FGGY: variants seen among roughly 807,000 people sequenced by gnomAD.
FGGY encodes the protein FGGY carbohydrate kinase domain-containing protein.
FGGY carries 72 observed loss-of-function variants against 71.3 expected under a neutral mutation model. That is an observed-to-expected ratio of 1.01 (90% CI 0.84 to 1.23). The LOEUF is 1.23. FGGY is among the 50% of genes most tolerant of loss of function. The probability of loss-of-function intolerance (pLI) is 0.00; values close to 1 mark genes in which losing one functional copy is unlikely to be tolerated. For missense variants in FGGY, 668 were observed against 682.3 expected (o/e 0.98, Z 0.23); for synonymous variants, 251 against 250.3 (o/e 1.00, Z -0.02).
At chr1:59,461,462 G>A (rs1473567857) in intron 6 of FGGY, among the ~76,000 whole-genome samples, 5 of 152,222 alleles carry the variant, frequency 3.3e-5, no homozygotes, top group African/African-American at 1.2e-4. Flanking sequence ...ACCTGAAAGT[G>A]ACGGGAAGAA....
chr1:59,671,803 G>C (rs549676230), intron 13 of FGGY, among the ~76,000 whole-genome samples: 2 of 152,270 alleles, frequency 1.3e-5, no homozygotes, highest in East Asian at 3.9e-4. Context: ...GGAAAGATTA[G>C]GTATCTTGCC....
rs191003951 is a variant in FGGY at position 59,744,701 on chromosome 1, C to T, written c.1513-13230C>T. On this transcript the variant is annotated intron_variant, in intron 14 of 15. Transcript: ENST00000303721. ...TTTATACAGATATCCTGGATCCTAC[C>T]CCTGATTCATTCATTAATTCATTAA... Among the ~76,000 whole-genome samples, 17 of 152,316 alleles carry T rather than the reference C, an allele frequency of 1.1e-4. No homozygotes were observed. The East Asian group carries it at 3.3e-3, about 29-fold the overall frequency.
chr1:59,358,916 G>A (rs561313670), intron 4 of FGGY, among the ~76,000 whole-genome samples: 1 of 152,308 alleles, frequency 6.6e-6, no homozygotes, highest in South Asian at 2.1e-4. Context: ...TGAAGAAATT[G>A]AGGATGGAGG....
At chr1:59,721,635 G>T (rs2097897381) in intron 14 of FGGY, among the ~76,000 whole-genome samples, 1 of 152,136 alleles carries the variant, frequency 6.6e-6, no homozygotes, top group African/African-American at 2.4e-5. Flanking sequence ...ACCACACCCA[G>T]CAGATACAGA....
At chr1:59,316,159 G>T (rs1287112203) in intron 1 of FGGY, 2 of 152,136 alleles carry the variant, frequency 1.3e-5, no homozygotes, top group African/African-American at 4.8e-5. Flanking sequence ...ATCCCTGATT[G>T]CAGTATAACT....
At chr1:59,592,439 A>G (rs1273032348) in intron 8 of FGGY, among the ~76,000 whole-genome samples, 1 of 152,194 alleles carries the variant, frequency 6.6e-6, no homozygotes, top group African/African-American at 2.4e-5. Context: ...TACTGGGTAT[A>G]TACCCAAAGG....
At chr1:59,521,514 T>TG (rs2094833840) in intron 7 of FGGY, among the ~76,000 whole-genome samples, 1 of 152,202 alleles carries the variant, frequency 6.6e-6, no homozygotes, top group African/African-American at 2.4e-5. Context: ...TCAGTGTATA[T>TG]GGCTGTGAAC....
chr1:59,478,200 T>G (rs1398491298), intron 6 of FGGY, among the ~76,000 whole-genome samples: 3 of 152,224 alleles, frequency 2.0e-5, no homozygotes, highest in African/African-American at 7.2e-5. Flanking sequence ...TATCCGGATA[T>G]CCAGATAATT....
intron 7 of FGGY, among the ~76,000 whole-genome samples, chr1:59,535,452 G>A (rs537509221): frequency 1.7e-4 from 26 of 152,172 alleles, no homozygotes; most frequent in African/African-American, 6.0e-4. Context: ...GGATACCCAG[G>A]AATTGAACTC....
chr1:59,421,506 TCTCC>T (rs1420708528), intron 5 of FGGY, among the ~76,000 whole-genome samples: 1 of 129,576 alleles, frequency 7.7e-6, no homozygotes, highest in East Asian at 2.4e-4. Flanking sequence ...TCTCCCCCTC[TCTCC>T]CTCTCTCCTT....
intron 1 of FGGY, among the ~76,000 whole-genome samples, chr1:59,316,574 T>C (rs1163697429): frequency 6.6e-6 from 1 of 152,230 alleles, no homozygotes; most frequent in Non-Finnish European, 1.5e-5. Flanking sequence ...TGCACATTTG[T>C]TGAAGAATCA....
At chr1:59,381,523 T>C (rs540387277) in intron 5 of FGGY, among the ~76,000 whole-genome samples, 1 of 152,246 alleles carries the variant, frequency 6.6e-6, no homozygotes, top group South Asian at 2.1e-4. Flanking sequence ...ATCATCAAGA[T>C]GTCACTAGGT....
At position 59,561,682 on chromosome 1, in the gene FGGY, G is replaced by A. The variant is rs2095795540; in HGVS notation, c.903+7455G>A. 2.0e-5 allele frequency among the ~76,000 whole-genome samples: 3 copies of A among 152,140 alleles called. No homozygotes were observed. In the South Asian group the frequency reaches 6.2e-4, roughly 32 times the overall value. Reference sequence around the variant, plus strand: ...GTAAATAGCTCAACAATCCTACCAAGTAGGCACCATACTGTCCCTCATTTT... The same window carrying A: ...GTAAATAGCTCAACAATCCTACCAAATAGGCACCATACTGTCCCTCATTTT... On this transcript the variant is annotated intron_variant, in intron 8 of 15. Transcript: ENST00000303721.
chr1:59,676,018 A>G (rs1202402989), intron 14 of FGGY, among the ~76,000 whole-genome samples: 1 of 152,108 alleles, frequency 6.6e-6, no homozygotes, highest in African/African-American at 2.4e-5. Context: ...GTCCATTTCT[A>G]TAGGCCAAAA....
chr1:59,346,651 T>C (rs907113633), intron 4 of FGGY, among the ~76,000 whole-genome samples: 2 of 152,172 alleles, frequency 1.3e-5, no homozygotes, highest in Non-Finnish European at 2.9e-5. Context: ...CCCTATGAAG[T>C]GTTTGTGTGT....
rs536190896 is a variant in FGGY at position 59,634,280 on chromosome 1, G to GC, written c.1074-3946dup. 3.0e-3 allele frequency among the ~76,000 whole-genome samples: 453 copies of GC among 152,196 alleles called. 2 individuals carry two copies. Among genetic ancestry groups the GC allele is most frequent in the Admixed American group, 8.1e-3 (124 of 15,302 alleles). ...AATTTAGCTGGGCATGGTGGCACACGCCTGTAGTCCCAGCTACTCGGGAGG... is the reference window on the plus strand; with the variant it reads ...AATTTAGCTGGGCATGGTGGCACACGCCCTGTAGTCCCAGCTACTCGGGAGG... On this transcript the variant is annotated intron_variant, in intron 10 of 15. Transcript: ENST00000303721.
chr1:59,515,766 G>A (rs1366157937), intron 7 of FGGY, among the ~76,000 whole-genome samples: 1 of 152,144 alleles, frequency 6.6e-6, no homozygotes, highest in African/African-American at 2.4e-5. Context: ...CCTCCACCAT[G>A]ATTATGAGAC....
chr1:59,595,928 A>C (rs2096518321), intron 8 of FGGY, among the ~76,000 whole-genome samples: 2 of 152,152 alleles, frequency 1.3e-5, no homozygotes, highest in Non-Finnish European at 2.9e-5. Flanking sequence ...TCTGTTCATA[A>C]CAAAAGCTGC....
intron 10 of FGGY, chr1:59,626,275 A>G: frequency 6.9e-6 from 3 of 437,216 alleles, no homozygotes; most frequent in Non-Finnish European, 1.2e-5. Context: ...CCCAGGGACT[A>G]TAGATAAGAA....
Sources: gnomAD v4.1 joint callset for allele counts (sites outside exome capture counted in the v4.1 genomes callset) on GRCh38, gnomAD v4.1.1 for gene constraint, MANE v1.5 for transcripts, NCBI Gene and HGNC (gene_info 2026-07-23, HGNC 2026-07-21) for gene names.